RANBP17: variants seen among roughly 807,000 people sequenced by gnomAD.
RANBP17 encodes RAN binding protein 17, also known as ran-binding protein 17.
In RANBP17, 158 loss-of-function variants were observed where a neutral mutation model predicts 141.2. The ratio of observed to expected loss-of-function variants is 1.12; its 90% CI spans 0.98 to 1.28. RANBP17 has a LOEUF of 1.28. Ranked by LOEUF, RANBP17 falls within the 50% of genes most tolerant of loss-of-function variation. The pLI is 0.00. For synonymous variants in RANBP17, 430 were observed against 450.0 expected (o/e 0.96, Z 0.56); for missense variants, 1,438 against 1,290.7 (o/e 1.11, Z -1.75).
At chr5:171,063,885 C>A (rs1207897848) in intron 14 of RANBP17, among the ~76,000 whole-genome samples, 1 of 152,226 alleles carries the variant, frequency 6.6e-6, no homozygotes, top group African/African-American at 2.4e-5. Context: ...CCTCCCCCAG[C>A]CTCGCTGCTG....
At chr5:171,060,267 T>A (rs1180762393) in intron 14 of RANBP17, among the ~76,000 whole-genome samples, 1 of 123,634 alleles carries the variant, frequency 8.1e-6, no homozygotes, top group African/African-American at 2.8e-5. Flanking sequence ...ATGCTCCCAG[T>A]TTTTGCCCAT....
rs1766837443 is a variant in RANBP17, at chr5:170,862,122, GAGGGCCGAGGACAGCGGCGGAGGCCGC to G, written c.18+79_18+105del. Reference sequence around the variant, plus strand: ...ACCCGGCGGGACGCGTCTGGAGACCGAGGGCCGAGGACAGCGGCGGAGGCCGCAGGGCCGTGGGCCGGTGTCCCCGGA... The same window carrying G: ...ACCCGGCGGGACGCGTCTGGAGACCGAGGGCCGTGGGCCGGTGTCCCCGGA... On this transcript the variant is annotated intron_variant, in intron 1 of 27. Transcript: ENST00000523189. 14 of 1,373,794 alleles carry G rather than the reference GAGGGCCGAGGACAGCGGCGGAGGCCGC, an allele frequency of 1.0e-5. No homozygotes were observed. The East Asian group carries it at 3.1e-4, about 30-fold the overall frequency. The allele number at this position is 1,373,794 out of a possible 1,614,324, so 85.1% of individuals were successfully genotyped here. A position where few individuals can be genotyped will look rare whatever the true frequency, so the allele number is the denominator to read the frequency against.
intron 14 of RANBP17, among the ~76,000 whole-genome samples, chr5:171,132,244 C>T (rs1055356009): frequency 1.4e-4 from 21 of 151,930 alleles, no homozygotes; most frequent in African/African-American, 4.6e-4. Flanking sequence ...CCCTACCCCC[C>T]ACCCAAGGGA....
chr5:170,996,948 T>C (rs1420837718), intron 14 of RANBP17, among the ~76,000 whole-genome samples: 2 of 152,180 alleles, frequency 1.3e-5, no homozygotes, highest in African/African-American at 4.8e-5. Flanking sequence ...GAATCCTGAA[T>C]GATACGGTTA....
Position 171,241,120 on chromosome 5 carries a change from C to A in RANBP17, c.2615C>A (p.Ser872Ter). Residue 872 changes from serine to a stop codon, truncating the protein, a stop_gained, in exon 23 of 28, where the codon TCA (serine) becomes TAA (stop). Coordinates refer to ENST00000523189, the MANE Select transcript of RANBP17 (RefSeq NM_022897.5). LOFTEE classifies it high-confidence loss of function. The stretch of plus-strand genomic sequence containing the variant: ...CAGGCTTTTGTCAAAATGCTGCTGT[C>A]AGTGTCCCACAGTGACTTGCTAGTA... ...VLQAFVKMLL[S>*]VSHSDLLQYR... 6.2e-7 allele frequency: 1 copy of A among 1,612,804 alleles called. No homozygotes were observed. Among genetic ancestry groups the A allele is most frequent in the South Asian group, 1.1e-5 (1 of 90,986 alleles).
At chr5:170,872,319 A>G (rs1299093441) in intron 1 of RANBP17, among the ~76,000 whole-genome samples, 5 of 151,686 alleles carry the variant, frequency 3.3e-5, no homozygotes, top group East Asian at 1.9e-4. Flanking sequence ...CTGCTTGTCT[A>G]TTGTTGGTGT....
chr5:170,883,367 G>A (rs1226023768), intron 3 of RANBP17, among the ~76,000 whole-genome samples: 3 of 152,064 alleles, frequency 2.0e-5, no homozygotes, highest in South Asian at 2.1e-4. Flanking sequence ...TGCCACACAC[G>A]CACAGCTTCC....
At chr5:171,060,522 C>T (rs1180748656) in intron 14 of RANBP17, among the ~76,000 whole-genome samples, 2 of 151,826 alleles carry the variant, frequency 1.3e-5, no homozygotes, top group African/African-American at 4.8e-5. Flanking sequence ...CCCACTTGAT[C>T]ATGGTGGATA....
At chr5:171,090,031 G>T (rs1307061235) in intron 14 of RANBP17, among the ~76,000 whole-genome samples, 1 of 152,210 alleles carries the variant, frequency 6.6e-6, no homozygotes, top group African/African-American at 2.4e-5. Context: ...ATGGGTACCA[G>T]GAGAGTGGGG....
intron 14 of RANBP17, among the ~76,000 whole-genome samples, chr5:171,064,691 A>AT (rs375558139): frequency 1.0e-4 from 15 of 150,702 alleles, no homozygotes; most frequent in Non-Finnish European, 1.5e-4. Context: ...TAATTTTTGT[A>AT]TTTTTTTTTC....
At chr5:171,255,347 A>G (rs1256845537) in intron 24 of RANBP17, among the ~76,000 whole-genome samples, 2 of 152,230 alleles carry the variant, frequency 1.3e-5, no homozygotes, top group African/African-American at 4.8e-5. Flanking sequence ...CTATATCACA[A>G]CATGTTTAAG....
intron 24 of RANBP17, among the ~76,000 whole-genome samples, chr5:171,250,198 G>A (rs1027697907): frequency 6.6e-6 from 1 of 152,124 alleles, no homozygotes; most frequent in Non-Finnish European, 1.5e-5. Flanking sequence ...CTTTCCAAGA[G>A]AAGCAAATGC....
intron 24 of RANBP17, among the ~76,000 whole-genome samples, chr5:171,253,981 C>T (rs950232640): frequency 1.6e-4 from 24 of 152,152 alleles, no homozygotes; most frequent in African/African-American, 5.8e-4. Flanking sequence ...GGCGCGGTGG[C>T]TCACGCCTAT....
chr5:171,105,429 G>T (rs962201562), intron 14 of RANBP17, among the ~76,000 whole-genome samples: 28 of 150,944 alleles, frequency 1.9e-4, no homozygotes, highest in African/African-American at 6.8e-4. Context: ...TGGCATGGTG[G>T]CTCACACCTG....
chr5:171,030,536 T>A (rs1781491752), intron 14 of RANBP17, among the ~76,000 whole-genome samples: 1 of 152,180 alleles, frequency 6.6e-6, no homozygotes, highest in Admixed American at 6.6e-5. Context: ...CTTCAGATTC[T>A]AGTAGAAAAT....
chr5:171,297,390 C>T (rs752272794), intron 27 of RANBP17, among the ~76,000 whole-genome samples: 5 of 151,416 alleles, frequency 3.3e-5, no homozygotes, highest in African/African-American at 7.3e-5. Flanking sequence ...GTTCAGGGGG[C>T]GAAAAAAAAG....
intron 14 of RANBP17, among the ~76,000 whole-genome samples, chr5:170,998,558 C>A (rs193183050): frequency 1.3e-5 from 2 of 152,230 alleles, no homozygotes; most frequent in Non-Finnish European, 2.9e-5. Context: ...AATATTAATA[C>A]ATCGTTAAGC....
chr5:171,296,275 G>A (rs538575166), intron 27 of RANBP17, among the ~76,000 whole-genome samples: 138 of 152,220 alleles, frequency 9.1e-4, no homozygotes, highest in Non-Finnish European at 1.7e-3. Flanking sequence ...TTCAACAGGA[G>A]AGATATGAAA....
intron 24 of RANBP17, among the ~76,000 whole-genome samples, chr5:171,263,330 G>A (rs777907894): frequency 6.6e-6 from 1 of 152,114 alleles, no homozygotes; most frequent in South Asian, 2.1e-4. Context: ...AACTCCCAGG[G>A]ATCATGTGCA....
Sources: gnomAD v4.1 joint callset for allele counts (sites outside exome capture counted in the v4.1 genomes callset) on GRCh38, gnomAD v4.1.1 for gene constraint, MANE v1.5 for transcripts, NCBI Gene and HGNC (gene_info 2026-07-23, HGNC 2026-07-21) for gene names.